PLCB1: variants seen among roughly 807,000 people sequenced by gnomAD.
PLCB1 encodes phospholipase C beta 1, also known as 1-phosphatidylinositol 4,5-bisphosphate phosphodiesterase beta-1.
PLCB1 carries 46 observed loss-of-function variants against 161.8 expected under a neutral mutation model. That is an observed-to-expected ratio of 0.28 (90% CI 0.22 to 0.36). PLCB1 has a LOEUF of 0.36. Ranked by LOEUF, PLCB1 falls within the 10% of genes least tolerant of loss-of-function variation. The pLI, the probability that PLCB1 is intolerant of heterozygous loss-of-function variation, is 1.00. For synonymous variants in PLCB1, 517 were observed against 503.7 expected, an observed-to-expected ratio of 1.03 and a Z score of -0.35; for missense variants, 1,016 against 1,472.5, an observed-to-expected ratio of 0.69 and a Z score of 5.07.
At chr20:8,828,355 G>A (rs536237154) in intron 31 of PLCB1, among the ~76,000 whole-genome samples, 75 of 151,448 alleles carry the variant, frequency 5.0e-4, no homozygotes, top group African/African-American at 1.7e-3. Flanking sequence ...TTGACAATAT[G>A]AAACAAGGAA....
At chr20:8,479,942 G>A (rs1459901592) in intron 3 of PLCB1, among the ~76,000 whole-genome samples, 1 of 152,162 alleles carries the variant, frequency 6.6e-6, no homozygotes, top group Non-Finnish European at 1.5e-5. Flanking sequence ...TTCTAGGTAT[G>A]GGATTTCCTT....
chr20:8,553,993 C>T (rs532416566), intron 3 of PLCB1, among the ~76,000 whole-genome samples: 12 of 151,884 alleles, frequency 7.9e-5, no homozygotes, highest in Admixed American at 2.0e-4. Flanking sequence ...CAGAGCAAGA[C>T]TCCATCTCAA....
At chr20:8,370,822 A>G (rs6055774) in intron 2 of PLCB1, among the ~76,000 whole-genome samples, 1 of 152,126 alleles carries the variant, frequency 6.6e-6, no homozygotes, top group African/African-American at 2.4e-5. Context: ...CATATCTTCT[A>G]TGCCTTATTC....
chr20:8,681,026 A>G (rs1990195124), intron 9 of PLCB1, among the ~76,000 whole-genome samples: 1 of 147,668 alleles, frequency 6.8e-6, no homozygotes. Flanking sequence ...ACACATACAA[A>G]CACATACATA....
At chr20:8,387,838 GT>G (rs939392300) in intron 3 of PLCB1, among the ~76,000 whole-genome samples, 1 of 152,078 alleles carries the variant, frequency 6.6e-6, no homozygotes, top group African/African-American at 2.4e-5. Context: ...TGGGTACAGA[GT>G]TTTAGTTTGA....
intron 3 of PLCB1, among the ~76,000 whole-genome samples, chr20:8,518,420 C>T (rs1282610591): frequency 6.6e-6 from 1 of 152,020 alleles, no homozygotes; most frequent in East Asian, 1.9e-4. Context: ...TAGGATAGGA[C>T]TGAAGAAAGA....
chr20:8,565,167 A>G (rs1381771528), intron 3 of PLCB1, among the ~76,000 whole-genome samples: 2 of 152,188 alleles, frequency 1.3e-5, no homozygotes, highest in African/African-American at 4.8e-5. Flanking sequence ...ATAAAAAAGG[A>G]TGAGTTCATG....
intron 2 of PLCB1, among the ~76,000 whole-genome samples, chr20:8,337,423 GT>G (rs1392410265): frequency 6.6e-6 from 1 of 152,062 alleles, no homozygotes; most frequent in South Asian, 2.1e-4. Flanking sequence ...CAAAATGTGA[GT>G]TTTTATTTTT....
At chr20:8,133,062 C>T (rs1056744688) in intron 1 of PLCB1, among the ~76,000 whole-genome samples, 4 of 152,096 alleles carry the variant, frequency 2.6e-5, no homozygotes, top group African/African-American at 9.7e-5. Context: ...CCTGAGAGTT[C>T]GGAAAGTAGG....
chr20:8,836,534 T>G (rs1225643502), intron 31 of PLCB1, among the ~76,000 whole-genome samples: 2 of 92,220 alleles, frequency 2.2e-5, no homozygotes, highest in Non-Finnish European at 5.2e-5. Flanking sequence ...CTGAATTGGT[T>G]CTGAGGTTTC....
intron 1 of PLCB1, among the ~76,000 whole-genome samples, chr20:8,141,510 C>T (rs1422909414): frequency 6.6e-6 from 1 of 151,684 alleles, no homozygotes; most frequent in South Asian, 2.1e-4. Flanking sequence ...GTAATCCCGA[C>T]CACTCGAGAG....
At chr20:8,814,859 A>G (rs761042) in intron 31 of PLCB1, among the ~76,000 whole-genome samples, 86,959 of 152,006 alleles carry the variant, frequency 0.57, 26,111 homozygotes, top group East Asian at 0.73. Flanking sequence ...CATTTAGCAG[A>G]TGTAGAAAGA....
chr20:8,849,736 T>G (rs1986822163), intron 31 of PLCB1, among the ~76,000 whole-genome samples: 1 of 151,202 alleles, frequency 6.6e-6, no homozygotes, highest in Non-Finnish European at 1.5e-5. Context: ...CAAGCAGGGC[T>G]GAGCGCGATG....
At chr20:8,340,166 A>C (rs1350602513) in intron 2 of PLCB1, among the ~76,000 whole-genome samples, 1 of 152,060 alleles carries the variant, frequency 6.6e-6, no homozygotes, top group Non-Finnish European at 1.5e-5. Flanking sequence ...CTGGGAACGG[A>C]CCTAGGAATT....
intron 31 of PLCB1, among the ~76,000 whole-genome samples, chr20:8,867,554 T>G (rs1987471721): frequency 1.3e-5 from 2 of 152,250 alleles, no homozygotes; most frequent in Non-Finnish European, 2.9e-5. Flanking sequence ...TTTATTGATT[T>G]TTTTTCAGGG....
chr20:8,870,860 ATGT>A (rs766622066), intron 31 of PLCB1, among the ~76,000 whole-genome samples: 1 of 152,222 alleles, frequency 6.6e-6, no homozygotes, highest in African/African-American at 2.4e-5. Context: ...CCCTGAAGTA[ATGT>A]TGTTGAGGAA....
At chr20:8,568,585 A>G (rs890874922) in intron 3 of PLCB1, among the ~76,000 whole-genome samples, 1 of 152,322 alleles carries the variant, frequency 6.6e-6, no homozygotes. Context: ...GTGTTTTAAG[A>G]GTTTTAAAAG....
At chr20:8,428,685 A>T (rs1979897336) in intron 3 of PLCB1, among the ~76,000 whole-genome samples, 1 of 152,156 alleles carries the variant, frequency 6.6e-6, no homozygotes, top group Admixed American at 6.6e-5. Context: ...CATGTAGAGG[A>T]ATTGTGGCCG....
chr20:8,643,932 T>C (rs1160489624), intron 4 of PLCB1, among the ~76,000 whole-genome samples: 2 of 152,198 alleles, frequency 1.3e-5, no homozygotes, highest in Non-Finnish European at 2.9e-5. Context: ...GTGCCTGCGA[T>C]TGCAGGCGCG....
Sources: gnomAD v4.1 joint callset for allele counts (sites outside exome capture counted in the v4.1 genomes callset) on GRCh38, gnomAD v4.1.1 for gene constraint, MANE v1.5 for transcripts, NCBI Gene and HGNC (gene_info 2026-07-23, HGNC 2026-07-21) for gene names.